CHD7: variants seen among roughly 807,000 people sequenced by gnomAD.
CHD7 encodes chromodomain helicase DNA binding protein 7.
A neutral mutation model predicts 307.3 loss-of-function variants in CHD7; 24 were observed. The observed-to-expected ratio is 0.08, with a 90% confidence interval of 0.06 to 0.11. The LOEUF (loss-of-function observed/expected upper bound fraction) is 0.11. CHD7 is among the 10% of genes least tolerant of loss of function. CHD7 has a pLI of 1.00. For missense variants in CHD7, 3,106 were observed against 3,727.1 expected (o/e 0.83, Z 4.34); for synonymous variants, 1,363 against 1,349.9 (o/e 1.01, Z -0.21).
chr8:60,742,848 T>C lies in CHD7; in HGVS notation c.1416T>C (p.Thr472=). The C allele has an allele frequency of 6.2e-7, 1 of 1,613,060 alleles. No individual in the cohort carries two copies. Among genetic ancestry groups the C allele is most frequent in the Non-Finnish European group, 8.5e-7 (1 of 1,179,366 alleles). Residue 472 remains threonine (T), a synonymous_variant, in exon 2 of 38, where the codon ACT becomes ACC. Transcript: ENST00000423902. ...IGMSSAPREL[T]GHMRPNGCPG... ...TGTCCTCGGCACCAAGGGAATTGAC[T>C]GGGCACATGAGGCCAAATGGTTGTC...
intron 21 of CHD7, among the ~76,000 whole-genome samples, chr8:60,842,413 T>C (rs1457835809): frequency 6.6e-6 from 1 of 152,274 alleles, no homozygotes; most frequent in East Asian, 1.9e-4. Flanking sequence ...CGTAAGCTTT[T>C]AATATTTCTC....
intron 1 of CHD7, among the ~76,000 whole-genome samples, chr8:60,733,523 G>T (rs1808558455): frequency 6.6e-6 from 1 of 152,196 alleles, no homozygotes; most frequent in Non-Finnish European, 1.5e-5. Context: ...TTCTCAGTGG[G>T]CTTAGCCTTT....
intron 1 of CHD7, among the ~76,000 whole-genome samples, chr8:60,680,491 G>A (rs1418170506): frequency 6.6e-6 from 1 of 151,262 alleles, no homozygotes; most frequent in Non-Finnish European, 1.5e-5. Context: ...CGCCGGCCCC[G>A]AGCAGCCATC....
At chr8:60,837,269 C>T (rs567394872) in intron 17 of CHD7, among the ~76,000 whole-genome samples, 1 of 152,302 alleles carries the variant, frequency 6.6e-6, no homozygotes, top group Admixed American at 6.5e-5. Context: ...TGAGTCTTGT[C>T]ATTCTTTGGT....
intron 19 of CHD7, among the ~76,000 whole-genome samples, chr8:60,840,970 G>A (rs577354856): frequency 6.4e-4 from 97 of 152,288 alleles, no homozygotes; most frequent in African/African-American, 2.3e-3. Context: ...TATTTCTTCT[G>A]TAAATTATTA....
chr8:60,785,442 A>G (rs1811447269), intron 3 of CHD7, among the ~76,000 whole-genome samples: 1 of 152,238 alleles, frequency 6.6e-6, no homozygotes, highest in African/African-American at 2.4e-5. Flanking sequence ...AAAAACATAT[A>G]TAGTACGAGA....
At chr8:60,724,102 A>T (rs1390744392) in intron 1 of CHD7, among the ~76,000 whole-genome samples, 2 of 152,156 alleles carry the variant, frequency 1.3e-5, no homozygotes, top group African/African-American at 2.4e-5. Context: ...TGATTCAGAG[A>T]TTCTAGAGGC....
Position 60,803,755 on chromosome 8 carries a change from T to A in CHD7, c.2442+2162T>A, listed in dbSNP as rs570441391. On this transcript the variant is annotated intron_variant, in intron 6 of 37. Transcript: ENST00000423902. ...CTAACTTTTTAAACTGCTAATATTC[T>A]CAAAGTAGATACTTTAGTTATCACC... Among the ~76,000 whole-genome samples the A allele has an allele frequency of 1.4e-4, 21 of 152,370 alleles. No individual in the cohort carries two copies. The South Asian group carries it at 4.3e-3, about 32-fold the overall frequency.
chr8:60,848,491 T>TC (rs747270901), intron 23 of CHD7, 24 bp from the exon 24 acceptor site: 121 of 1,582,006 alleles, frequency 7.6e-5, no homozygotes, highest in East Asian at 2.0e-4. Flanking sequence ...AAGAACTTTT[T>TC]CCCCCCTCTG....
chr8:60,801,483 T>G, intron 5 of CHD7, 45 bp from the exon 6 acceptor site: 208 of 1,385,094 alleles, frequency 1.5e-4, no homozygotes, highest in Non-Finnish European at 1.8e-4. Flanking sequence ...TAGCTTAGGA[T>G]GAGATGTTTT....
chr8:60,773,255 TC>T (rs1810798712), intron 2 of CHD7, among the ~76,000 whole-genome samples: 2 of 152,236 alleles, frequency 1.3e-5, no homozygotes, highest in Non-Finnish European at 2.9e-5. Context: ...TTTTGTTTCT[TC>T]CCTGCCCAGA....
At chr8:60,766,617 T>C (rs1359055026) in intron 2 of CHD7, among the ~76,000 whole-genome samples, 4 of 152,104 alleles carry the variant, frequency 2.6e-5, no homozygotes, top group Non-Finnish European at 5.9e-5. Context: ...TTTGTCTACA[T>C]TGAAGGTGGA....
Position 60,856,005 on chromosome 8 carries a change from A to G in CHD7, c.6967A>G (p.Ile2323Val), listed in dbSNP as rs755973702. Residue 2323 changes from isoleucine (I) to valine (V), a missense_variant, in exon 33 of 38, where the codon ATC (isoleucine) becomes GTC (valine). By Grantham distance (29) the Ile-to-Val change is conservative (BLOSUM62 3). Coordinates refer to ENST00000423902, the MANE Select transcript of CHD7 (RefSeq NM_017780.4). ...AGTAATGATAAACCGCTTAGACAACATCTGTGAAGCAGTGTTGAAAGGCAA... is the reference window on the plus strand; with the variant it reads ...AGTAATGATAAACCGCTTAGACAACGTCTGTGAAGCAGTGTTGAAAGGCAA... ...DRVMINRLDN[I>V]CEAVLKGKWP... is the part of the protein sequence containing the mutation. 10 of 1,610,528 alleles carry G rather than the reference A, an allele frequency of 6.2e-6. No individual in the cohort carries two copies. In the Admixed American group the frequency reaches 1.7e-4, roughly 27 times the overall value.
At position 60,706,071 on chromosome 8, in the gene CHD7, AT is replaced by A. The variant is rs879377014; in HGVS notation, c.-175+27001del. 6.2e-3 allele frequency among the ~76,000 whole-genome samples: 902 copies of A among 146,034 alleles called. 4 individuals carry two copies. Among genetic ancestry groups the A allele is most frequent in the African/African-American group, 0.018 (741 of 40,186 alleles). On this transcript the variant is annotated intron_variant, in intron 1 of 37. Coordinates refer to ENST00000423902, the MANE Select transcript of CHD7 (RefSeq NM_017780.4). ...CACCCTGGGCATTCTAAAAGGATAC[AT>A]TTTTTTTTTTTAATGGTCCTGAGCT...
intron 8 of CHD7, among the ~76,000 whole-genome samples, chr8:60,817,062 T>C (rs997513692): frequency 6.6e-6 from 1 of 152,212 alleles, no homozygotes; most frequent in African/African-American, 2.4e-5. Context: ...GAAGAACATC[T>C]GCATTTACTA....
intron 1 of CHD7, among the ~76,000 whole-genome samples, chr8:60,697,003 C>T (rs1806514873): frequency 6.6e-6 from 1 of 151,810 alleles, no homozygotes; most frequent in Non-Finnish European, 1.5e-5. Context: ...TAAAAATTTT[C>T]TGTAGGTGAG....
intron 1 of CHD7, among the ~76,000 whole-genome samples, chr8:60,727,609 C>T (rs895296212): frequency 2.0e-5 from 3 of 152,164 alleles, no homozygotes; most frequent in African/African-American, 7.2e-5. Flanking sequence ...GCTGACTCCT[C>T]TGCCTGCCCT....
chr8:60,789,119 C>T (rs1811647388), intron 3 of CHD7, among the ~76,000 whole-genome samples: 1 of 152,200 alleles, frequency 6.6e-6, no homozygotes, highest in African/African-American at 2.4e-5. Flanking sequence ...AGGCTAGACA[C>T]TCTCCTCTGC....
intron 1 of CHD7, among the ~76,000 whole-genome samples, chr8:60,699,176 T>C (rs1022378317): frequency 6.6e-6 from 1 of 152,260 alleles, no homozygotes; most frequent in Admixed American, 6.5e-5. Context: ...TTGTGGCAAC[T>C]ACCTATAGAA....
Sources: gnomAD v4.1 joint callset for allele counts (sites outside exome capture counted in the v4.1 genomes callset) on GRCh38, gnomAD v4.1.1 for gene constraint, MANE v1.5 for transcripts, NCBI Gene and HGNC (gene_info 2026-07-23, HGNC 2026-07-21) for gene names.